Variants in BLK observed in about 807,000 individuals in gnomAD.
BLK encodes the protein BLK proto-oncogene, Src family tyrosine kinase, also known as tyrosine-protein kinase Blk.
A neutral mutation model predicts 61.8 loss-of-function variants in BLK; 64 were observed. The ratio of observed to expected loss-of-function variants is 1.03; its 90% CI spans 0.85 to 1.27. The LOEUF (loss-of-function observed/expected upper bound fraction) is 1.27. Among genes scored for constraint, BLK ranks in the 50% most tolerant of loss-of-function variants. BLK has a pLI of 0.00. For synonymous variants in BLK, 351 were observed against 272.0 expected, an observed-to-expected ratio of 1.29 and a Z score of -2.86; for missense variants, 853 against 660.5, an observed-to-expected ratio of 1.29 and a Z score of -3.19.
intron 1 of BLK, among the ~76,000 whole-genome samples, chr8:11,506,111 C>A (rs891702172): frequency 6.6e-6 from 1 of 152,198 alleles, no homozygotes; most frequent in Non-Finnish European, 1.5e-5. Flanking sequence ...GGTTCCCCAC[C>A]GCACACCTGG....
chr8:11,502,871 AG>A (rs35026435), intron 1 of BLK, among the ~76,000 whole-genome samples: 1 of 152,058 alleles, frequency 6.6e-6, no homozygotes, highest in Admixed American at 6.5e-5. Flanking sequence ...TGGCAGGGGA[AG>A]GGGGGTGGGC....
intron 1 of BLK, among the ~76,000 whole-genome samples, chr8:11,501,346 A>T (rs1370791815): frequency 4.4e-5 from 6 of 135,350 alleles, no homozygotes; most frequent in Non-Finnish European, 9.6e-5. Context: ...GAAAGGCTAA[A>T]CTCTCTCTCT....
Position 11,550,157 on chromosome 8 carries a change from A to G in BLK, c.369-2A>G, listed in dbSNP as rs137986278. ...GTTTCACCTGTTCCTGCCGTTTTCC[A>G]GGTGGTTCTTTAGATCACAGGGTCG... On this transcript the variant is annotated splice_acceptor_variant, in intron 5 of 12. Coordinates refer to ENST00000259089, the MANE Select transcript of BLK (RefSeq NM_001715.3). LOFTEE classifies it high-confidence loss of function. The G allele has an allele frequency of 7.4e-5, 119 of 1,613,864 alleles. No individual in the cohort carries two copies. Among genetic ancestry groups the G allele is most frequent in the Admixed American group, 1.2e-4 (7 of 60,006 alleles).
At chr8:11,525,024 A>G (rs1308738749) in intron 1 of BLK, among the ~76,000 whole-genome samples, 1 of 152,060 alleles carries the variant, frequency 6.6e-6, no homozygotes, top group Non-Finnish European at 1.5e-5. Context: ...TATTTTCTGA[A>G]TTTCCTATAT....
intron 1 of BLK, among the ~76,000 whole-genome samples, chr8:11,501,241 T>C (rs1452842031): frequency 6.6e-6 from 1 of 152,178 alleles, no homozygotes; most frequent in African/African-American, 2.4e-5. Flanking sequence ...ACTATTTTAT[T>C]TGAATAAATA....
At chr8:11,539,571 G>T (rs1800282199) in intron 1 of BLK, among the ~76,000 whole-genome samples, 1 of 152,040 alleles carries the variant, frequency 6.6e-6, no homozygotes, top group South Asian at 2.1e-4. Flanking sequence ...AAAATCAAAA[G>T]GTATGTGTGC....
chr8:11,496,225 G>C (rs929566458), intron 1 of BLK, among the ~76,000 whole-genome samples: 2 of 151,982 alleles, frequency 1.3e-5, no homozygotes, highest in African/African-American at 4.8e-5. Context: ...TTTTGTGGGG[G>C]TTGTTTTTCG....
At chr8:11,532,431 G>A (rs112473571) in intron 1 of BLK, among the ~76,000 whole-genome samples, 120 of 145,340 alleles carry the variant, frequency 8.3e-4, no homozygotes, top group African/African-American at 2.7e-3. Context: ...GGCTGGTCTC[G>A]AACTCCTGAG....
chr8:11,562,071 G>C (rs574498214), intron 11 of BLK, among the ~76,000 whole-genome samples: 5 of 152,140 alleles, frequency 3.3e-5, no homozygotes, highest in African/African-American at 9.7e-5. Flanking sequence ...TGCCTGCCTT[G>C]ACCTCCCAAA....
In BLK at chr8:11,554,734, AC is replaced by A; in HGVS notation, c.473-6del. The A allele has an allele frequency of 6.2e-7, 1 of 1,612,688 alleles. No individual in the cohort carries two copies. Among genetic ancestry groups the A allele is most frequent in the Non-Finnish European group, 8.5e-7 (1 of 1,179,972 alleles). On this transcript the variant is annotated splice_polypyrimidine_tract_variant and splice_region_variant and intron_variant, in intron 6 of 12. Coordinates refer to ENST00000259089, the MANE Select transcript of BLK (RefSeq NM_001715.3). Reference sequence around the variant, plus strand: ...TTACTTCTCGTGTGTGTCTTCATGAACCCTCCAGGTGCCTTCTCCCTGTCTG... The same window carrying A: ...TTACTTCTCGTGTGTGTCTTCATGAACCTCCAGGTGCCTTCTCCCTGTCTG...
At chr8:11,508,163 C>A (rs889857826) in intron 1 of BLK, among the ~76,000 whole-genome samples, 1 of 152,234 alleles carries the variant, frequency 6.6e-6, no homozygotes, top group Non-Finnish European at 1.5e-5. Flanking sequence ...AAAGCCAGTG[C>A]TCTGAACCCT....
chr8:11,554,690 C>T (rs1013528594), intron 6 of BLK, 53 bp from the exon 7 acceptor site: 37 of 1,603,410 alleles, frequency 2.3e-5, no homozygotes, highest in Non-Finnish European at 3.1e-5. Flanking sequence ...ATCCCAGTCC[C>T]GTTTTTTGTC....
chr8:11,555,660 G>A lies in BLK; in HGVS notation c.772+176G>A, dbSNP rs531541706. The A allele has an allele frequency of 1.5e-3, 1,529 of 1,033,244 alleles. 36 individuals are homozygous for A. The South Asian group carries it at 0.02, about 14-fold the overall frequency. The allele number at this position is 1,033,244 out of a possible 1,614,324, so 64.0% of individuals were successfully genotyped here. On this transcript the variant is annotated intron_variant, in intron 8 of 12. Transcript: ENST00000259089. The stretch of plus-strand genomic sequence containing the variant: ...GGAGGAAGTGGAGGTGCAGAGCCGC[G>A]TTGTAACAGCTGGGACCGCTTATGG...
At chr8:11,513,383 G>A (rs535173556) in intron 1 of BLK, among the ~76,000 whole-genome samples, 18 of 152,326 alleles carry the variant, frequency 1.2e-4, no homozygotes, top group African/African-American at 4.3e-4. Flanking sequence ...AGAGAAACCA[G>A]AGCATCATTC....
chr8:11,547,855 G>T (rs776665663), intron 3 of BLK, among the ~76,000 whole-genome samples, 177 bp from the exon 4 acceptor site: 1 of 152,102 alleles, frequency 6.6e-6, no homozygotes, highest in African/African-American at 2.4e-5. Context: ...GGGCTCTGGG[G>T]GGCAGCCCAT....
chr8:11,512,797 G>A (rs1799069164), intron 1 of BLK, among the ~76,000 whole-genome samples: 5 of 152,118 alleles, frequency 3.3e-5, no homozygotes, highest in Admixed American at 3.3e-4. Context: ...TTGAGTAGCT[G>A]GGACTACAGG....
At chr8:11,542,655 C>A (rs1172570548) in intron 1 of BLK, among the ~76,000 whole-genome samples, 1 of 152,148 alleles carries the variant, frequency 6.6e-6, no homozygotes, top group Non-Finnish European at 1.5e-5. Context: ...TTAAGGAGAC[C>A]CCTGATATTA....
intron 1 of BLK, among the ~76,000 whole-genome samples, chr8:11,532,215 T>C (rs1004683863): frequency 6.5e-5 from 7 of 107,906 alleles, no homozygotes; most frequent in African/African-American, 9.9e-5. Context: ...ATTTATTTAT[T>C]TGAGACAAAA....
At position 11,549,008 on chromosome 8, in the gene BLK, C is replaced by G; in HGVS notation, c.270-16C>G. On this transcript the variant is annotated splice_polypyrimidine_tract_variant and intron_variant, in intron 4 of 12. Transcript: ENST00000259089. ...AGGGGCCATGATCTCATCTCTGTTTCCCCTGCTCCCATTAGAACTGGAGAC... is the reference window on the plus strand; with the variant it reads ...AGGGGCCATGATCTCATCTCTGTTTGCCCTGCTCCCATTAGAACTGGAGAC... The G allele has an allele frequency of 1.3e-6, 2 of 1,596,490 alleles. No individual in the cohort carries two copies.
Sources: gnomAD v4.1 joint callset for allele counts (sites outside exome capture counted in the v4.1 genomes callset) on GRCh38, gnomAD v4.1.1 for gene constraint, MANE v1.5 for transcripts, NCBI Gene and HGNC (gene_info 2026-07-23, HGNC 2026-07-21) for gene names.